KAZN: variants seen among roughly 807,000 people sequenced by gnomAD.
The protein encoded by KAZN is kazrin, periplakin interacting protein, also known as kazrin.
A neutral mutation model predicts 87.4 loss-of-function variants in KAZN; 40 were observed. The ratio of observed to expected loss-of-function variants is 0.46; its 90% CI spans 0.36 to 0.60. The LOEUF (loss-of-function observed/expected upper bound fraction) is 0.60. Among genes scored for constraint, KAZN ranks in the 20% least tolerant of loss-of-function variants. KAZN has a pLI of 0.00. For missense variants in KAZN, 898 were observed against 1,073.9 expected, an observed-to-expected ratio of 0.84 and a Z score of 2.29; for synonymous variants, 466 against 458.3, an observed-to-expected ratio of 1.02 and a Z score of -0.22.
intron 1 of KAZN, among the ~76,000 whole-genome samples, chr1:14,166,769 G>T (rs1046122805): frequency 1.3e-5 from 2 of 152,092 alleles, no homozygotes; most frequent in East Asian, 1.9e-4. Context: ...ATTAAAAGCC[G>T]TTCCTCTGGT....
intron 1 of KAZN, among the ~76,000 whole-genome samples, chr1:14,099,071 G>A (rs1167623264): frequency 5.3e-5 from 8 of 152,170 alleles, no homozygotes; most frequent in African/African-American, 1.9e-4. Context: ...GTTCTACTTA[G>A]TTTGATTGGG....
In KAZN at chr1:14,590,294, A is replaced by G. The variant is rs567450815; in HGVS notation, c.250-8689A>G. 1.6e-3 allele frequency among the ~76,000 whole-genome samples: 236 copies of G among 152,244 alleles called. 1 individual carries two copies. The highest frequency in any genetic ancestry group is 5.6e-3 in the African/African-American group (231 of 41,554). The stretch of plus-strand genomic sequence containing the variant: ...GGGTCCCCAGGGCCTGGAATAACAA[A>G]TGCACCAGCCACAGAGGAGTAGCTC... On this transcript the variant is annotated intron_variant, in intron 2 of 16. Coordinates refer to the KAZN transcript ENST00000636203.
chr1:14,616,021 G>T (rs924962029), intron 1 of KAZN, among the ~76,000 whole-genome samples: 11 of 152,206 alleles, frequency 7.2e-5, no homozygotes, highest in Admixed American at 7.2e-4. Flanking sequence ...AGAGACACTT[G>T]AAAGCTGGGG....
chr1:13,959,759 G>A (rs1641682719), intron 1 of KAZN, among the ~76,000 whole-genome samples: 1 of 152,066 alleles, frequency 6.6e-6, no homozygotes, highest in Non-Finnish European at 1.5e-5. Flanking sequence ...TCCACCCTGG[G>A]AAATTACCAA....
At chr1:14,037,613 G>T (rs1376427993) in intron 1 of KAZN, among the ~76,000 whole-genome samples, 1 of 152,158 alleles carries the variant, frequency 6.6e-6, no homozygotes, top group Non-Finnish European at 1.5e-5. Flanking sequence ...AGAAGTATCT[G>T]TTCCTCTCCT....
intron 1 of KAZN, among the ~76,000 whole-genome samples, chr1:14,953,115 G>A (rs770712747): frequency 6.6e-6 from 1 of 152,238 alleles, no homozygotes; most frequent in Non-Finnish European, 1.5e-5. Context: ...CGGGTGTTGG[G>A]TGTGAGCAGA....
intron 2 of KAZN, among the ~76,000 whole-genome samples, chr1:14,588,314 G>C (rs1267962730): frequency 2.0e-5 from 3 of 152,172 alleles, no homozygotes; most frequent in African/African-American, 7.2e-5. Context: ...GAGGTATATG[G>C]TTGCTGAAAT....
intron 2 of KAZN, among the ~76,000 whole-genome samples, chr1:14,971,403 A>G (rs1346295231): frequency 6.6e-6 from 1 of 152,192 alleles, no homozygotes; most frequent in Non-Finnish European, 1.5e-5. Context: ...CTCAAACAAA[A>G]AAAGAAAAGA....
chr1:14,644,002 C>CT (rs34535562), intron 1 of KAZN, among the ~76,000 whole-genome samples: 1,327 of 60,410 alleles, frequency 0.022, 29 homozygotes, highest in African/African-American at 0.031. Flanking sequence ...CCTTTGCCCA[C>CT]TTTTTTTTTT....
intron 2 of KAZN, among the ~76,000 whole-genome samples, chr1:14,471,295 A>G (rs924582003): frequency 1.3e-5 from 2 of 152,224 alleles, no homozygotes; most frequent in African/African-American, 4.8e-5. Flanking sequence ...AAAGTATTTC[A>G]GACTTTTATA....
At position 15,116,354 on chromosome 1, in the gene KAZN, G is replaced by A. The variant is rs571570282; in HGVS notation, c.*1719G>A. 2.4e-4 allele frequency: 37 copies of A among 152,296 alleles called. No individual in the cohort carries two copies. Among genetic ancestry groups the A allele is most frequent in the Admixed American group, 5.2e-4 (8 of 15,298 alleles). The allele number at this position is 152,296 out of a possible 1,614,324, so 9.4% of individuals were successfully genotyped here. ...TTGAGAATTACACCTCTCTCATGCCGAAGACCGTGGTGTTCCCCCTAATGA... is the reference window on the plus strand; with the variant it reads ...TTGAGAATTACACCTCTCTCATGCCAAAGACCGTGGTGTTCCCCCTAATGA... On this transcript the variant is annotated 3_prime_UTR_variant, in exon 15 of 15. Transcript: ENST00000376030.
chr1:14,461,473 T>C (rs866900170), intron 2 of KAZN, among the ~76,000 whole-genome samples: 6 of 152,218 alleles, frequency 3.9e-5, no homozygotes, highest in African/African-American at 1.2e-4. Flanking sequence ...TCTGCCATGA[T>C]TGTGAAGCCT....
chr1:14,440,808 TC>T (rs1443813519), intron 2 of KAZN, among the ~76,000 whole-genome samples: 1 of 152,166 alleles, frequency 6.6e-6, no homozygotes, highest in Non-Finnish European at 1.5e-5. Context: ...TTCTGTGAAT[TC>T]CCAAGGCACA....
At chr1:13,984,019 A>AT (rs35607110) in intron 1 of KAZN, among the ~76,000 whole-genome samples, 22,153 of 148,986 alleles carry the variant, frequency 0.15, 1,754 homozygotes, top group South Asian at 0.2. Context: ...TTTATTTTCT[A>AT]TTTTTTTTTT....
At chr1:14,037,938 A>T (rs1272804768) in intron 1 of KAZN, among the ~76,000 whole-genome samples, 1 of 152,148 alleles carries the variant, frequency 6.6e-6, no homozygotes, top group Admixed American at 6.5e-5. Context: ...GAACCCTGAA[A>T]GCTTTGGGTT....
intron 1 of KAZN, among the ~76,000 whole-genome samples, chr1:14,841,250 A>C (rs1647945511): frequency 6.6e-6 from 1 of 151,842 alleles, no homozygotes; most frequent in African/African-American, 2.4e-5. Context: ...CTAAAAATGC[A>C]AAAAGTTAGC....
At chr1:14,431,474 A>G (rs1489057616) in intron 2 of KAZN, among the ~76,000 whole-genome samples, 2 of 152,190 alleles carry the variant, frequency 1.3e-5, no homozygotes, top group African/African-American at 4.8e-5. Context: ...TTAGATGTCC[A>G]CTTGCTTGAA....
At chr1:14,243,175 C>T (rs1419638021) in intron 2 of KAZN, among the ~76,000 whole-genome samples, 1 of 152,094 alleles carries the variant, frequency 6.6e-6, no homozygotes, top group Non-Finnish European at 1.5e-5. Flanking sequence ...TTTTGTTCGC[C>T]ATTATTCCTT....
chr1:14,710,305 G>T (rs1188877563), intron 1 of KAZN, among the ~76,000 whole-genome samples: 2 of 152,124 alleles, frequency 1.3e-5, no homozygotes, highest in Non-Finnish European at 2.9e-5. Flanking sequence ...GCCCCGTGCT[G>T]GTCTTCCTGC....
Sources: gnomAD v4.1 joint callset for allele counts (sites outside exome capture counted in the v4.1 genomes callset) on GRCh38, gnomAD v4.1.1 for gene constraint, MANE v1.5 for transcripts, NCBI Gene and HGNC (gene_info 2026-07-23, HGNC 2026-07-21) for gene names.